CTNNA3: variants seen among roughly 807,000 people sequenced by gnomAD.
CTNNA3 encodes the protein catenin alpha 3, also known as catenin alpha-3.
A neutral mutation model predicts 95.7 loss-of-function variants in CTNNA3; 76 were observed. The observed-to-expected ratio is 0.79, with a 90% confidence interval of 0.66 to 0.96. The LOEUF is 0.96. Ranked by LOEUF, CTNNA3 falls within the 40% of genes least tolerant of loss-of-function variation. CTNNA3 has a pLI of 0.00. For missense variants in CTNNA3, 1,191 were observed against 1,089.8 expected (o/e 1.09, Z -1.31); for synonymous variants, 431 against 374.4 (o/e 1.15, Z -1.74).
At chr10:66,095,779 G>C (rs2081366512) in intron 14 of CTNNA3, among the ~76,000 whole-genome samples, 1 of 151,990 alleles carries the variant, frequency 6.6e-6, no homozygotes, top group African/African-American at 2.4e-5. Context: ...TTGACGTTTT[G>C]AGGTTGTGTC....
At chr10:66,746,566 C>T (rs1838882671) in intron 9 of CTNNA3, among the ~76,000 whole-genome samples, 1 of 152,224 alleles carries the variant, frequency 6.6e-6, no homozygotes, top group East Asian at 1.9e-4. Context: ...TTAGCTATGT[C>T]ATTTTATCTT....
At chr10:67,236,637 T>C (rs1023003692) in intron 5 of CTNNA3, among the ~76,000 whole-genome samples, 8 of 151,594 alleles carry the variant, frequency 5.3e-5, no homozygotes, top group Admixed American at 1.3e-4. Flanking sequence ...ATTGTGCACA[T>C]GTACCCTAAA....
At chr10:66,754,582 C>T (rs1408406621) in intron 9 of CTNNA3, among the ~76,000 whole-genome samples, 5 of 151,974 alleles carry the variant, frequency 3.3e-5, no homozygotes, top group Non-Finnish European at 7.4e-5. Flanking sequence ...AAAGAGAACC[C>T]ACAGCATGGA....
chr10:66,021,864 T>TTTTTTTTTTTTTTTTTTTTTTTTTG, intron 15 of CTNNA3, among the ~76,000 whole-genome samples: 1 of 141,780 alleles, frequency 7.1e-6, no homozygotes, highest in East Asian at 2.2e-4. Flanking sequence ...TTTTTTTTTT[T>TTTTTTTTTTTTTTTTTTTTTTTTTG]TTTTAGATAG....
rs551938428 is a variant in CTNNA3 at position 65,973,280 on chromosome 10, C to T, written c.2266-6534G>A. Among the ~76,000 whole-genome samples the T allele has an allele frequency of 2.0e-5, 3 of 152,268 alleles. No homozygotes were observed. In the South Asian group the frequency reaches 6.2e-4, roughly 32 times the overall value. On this transcript the variant is annotated intron_variant, in intron 16 of 17. Transcript: ENST00000433211. ...AAAACCTAGGCAACATCATTCTGGA[C>T]ATCAGTCTTGGGAAAGACATTATAA... is the stretch of plus-strand genomic sequence containing the variant.
chr10:66,551,157 T>C (rs1360137547), intron 10 of CTNNA3, among the ~76,000 whole-genome samples: 1 of 152,164 alleles, frequency 6.6e-6, no homozygotes, highest in East Asian at 1.9e-4. Flanking sequence ...TTAGCCAATG[T>C]TCGGGGCAGA....
At chr10:66,256,701 A>G (rs12357693) in intron 13 of CTNNA3, among the ~76,000 whole-genome samples, 26,153 of 151,170 alleles carry the variant, frequency 0.17, 2,509 homozygotes, top group Admixed American at 0.26. Flanking sequence ...AGCCTGGGCA[A>G]CAAGAGTGAG....
intron 16 of CTNNA3, among the ~76,000 whole-genome samples, chr10:65,973,012 C>T (rs1589197548): frequency 6.6e-6 from 1 of 151,052 alleles, no homozygotes; most frequent in East Asian, 1.9e-4. Flanking sequence ...AAAACAGATA[C>T]ACAGGCTGAT....
intron 5 of CTNNA3, among the ~76,000 whole-genome samples, chr10:67,233,387 T>G (rs2132307144): frequency 6.6e-6 from 1 of 150,722 alleles, no homozygotes; most frequent in African/African-American, 2.4e-5. Flanking sequence ...ACATGGAAAC[T>G]GAACAACCTG....
chr10:66,877,573 C>A (rs1377770952), intron 7 of CTNNA3, among the ~76,000 whole-genome samples: 1 of 152,098 alleles, frequency 6.6e-6, no homozygotes, highest in African/African-American at 2.4e-5. Context: ...ATTCTCTCAC[C>A]ATTTATCTGT....
intron 5 of CTNNA3, among the ~76,000 whole-genome samples, chr10:67,253,773 C>T (rs1353568850): frequency 1.2e-4 from 19 of 152,148 alleles, no homozygotes; most frequent in Non-Finnish European, 7.3e-5. Flanking sequence ...TGATGATGAA[C>T]CATGACTGGC....
intron 7 of CTNNA3, among the ~76,000 whole-genome samples, chr10:67,018,459 T>C (rs1286806526): frequency 6.6e-6 from 1 of 152,226 alleles, no homozygotes; most frequent in Non-Finnish European, 1.5e-5. Context: ...ACATGATATT[T>C]GATTAAATTA....
At chr10:66,641,910 C>G (rs2132381289) in intron 9 of CTNNA3, among the ~76,000 whole-genome samples, 1 of 152,238 alleles carries the variant, frequency 6.6e-6, no homozygotes, top group East Asian at 1.9e-4. Flanking sequence ...AAACCCAAAG[C>G]TACAGCAGAA....
chr10:66,378,924 G>C (rs2092814924), intron 12 of CTNNA3, among the ~76,000 whole-genome samples: 1 of 152,160 alleles, frequency 6.6e-6, no homozygotes, highest in Non-Finnish European at 1.5e-5. Flanking sequence ...AGGCCTGTGG[G>C]TAATTTATAT....
At chr10:66,694,008 A>G (rs1169630798) in intron 9 of CTNNA3, among the ~76,000 whole-genome samples, 2 of 152,152 alleles carry the variant, frequency 1.3e-5, no homozygotes, top group South Asian at 2.1e-4. Flanking sequence ...AAGAGAAAGC[A>G]GGAAACATCC....
At chr10:66,186,402 AAT>A (rs1330497775) in intron 13 of CTNNA3, among the ~76,000 whole-genome samples, 2 of 152,050 alleles carry the variant, frequency 1.3e-5, no homozygotes, top group African/African-American at 4.8e-5. Flanking sequence ...TCAGTGTTAT[AAT>A]TTAAGTCTTA....
intron 2 of CTNNA3, among the ~76,000 whole-genome samples, chr10:67,629,778 G>T (rs1839080151): frequency 6.6e-6 from 1 of 152,158 alleles, no homozygotes; most frequent in South Asian, 2.1e-4. Context: ...AAAAAAATCT[G>T]TTAAAACCCT....
At chr10:66,142,263 C>T (rs1054947318) in intron 13 of CTNNA3, among the ~76,000 whole-genome samples, 1 of 152,122 alleles carries the variant, frequency 6.6e-6, no homozygotes, top group African/African-American at 2.4e-5. Flanking sequence ...GTTGAAAAGA[C>T]TATCTTTTCA....
At chr10:66,669,263 C>T (rs193079220) in intron 9 of CTNNA3, among the ~76,000 whole-genome samples, 4 of 151,920 alleles carry the variant, frequency 2.6e-5, no homozygotes, top group African/African-American at 9.7e-5. Flanking sequence ...TCTAAAGTTG[C>T]CCGAGCGTGG....
Sources: gnomAD v4.1 joint callset for allele counts (sites outside exome capture counted in the v4.1 genomes callset) on GRCh38, gnomAD v4.1.1 for gene constraint, MANE v1.5 for transcripts, NCBI Gene and HGNC (gene_info 2026-07-23, HGNC 2026-07-21) for gene names.